The following VAV3 variants were observed in gnomAD, a reference collection of about 807,000 sequenced individuals.
VAV3 encodes vav guanine nucleotide exchange factor 3, also known as guanine nucleotide exchange factor VAV3.
VAV3 carries 94 observed loss-of-function variants against 131.2 expected under a neutral mutation model. The ratio of observed to expected loss-of-function variants is 0.72; its 90% CI spans 0.61 to 0.85. The LOEUF (loss-of-function observed/expected upper bound fraction) is 0.85, where lower values mean the gene tolerates loss of function less well. Ranked by LOEUF, VAV3 falls within the 40% of genes least tolerant of loss-of-function variation. VAV3 has a pLI of 0.00. For missense variants in VAV3, 939 were observed against 1,002.7 expected (o/e 0.94, Z 0.86); for synonymous variants, 349 against 342.0 (o/e 1.02, Z -0.22).
intron 15 of VAV3, among the ~76,000 whole-genome samples, chr1:107,715,559 G>C (rs1235938301): frequency 6.6e-6 from 1 of 152,174 alleles, no homozygotes; most frequent in Non-Finnish European, 1.5e-5. Context: ...TCATGTGACA[G>C]TCATTTTCAA....
intron 21 of VAV3, among the ~76,000 whole-genome samples, chr1:107,614,946 C>A (rs1420072177): frequency 6.6e-6 from 1 of 152,048 alleles, no homozygotes; most frequent in Non-Finnish European, 1.5e-5. Flanking sequence ...TAATATCCTG[C>A]CACCTGCCTA....
chr1:107,637,310 T>C (rs1655005687), intron 20 of VAV3, among the ~76,000 whole-genome samples: 1 of 152,154 alleles, frequency 6.6e-6, no homozygotes, highest in Non-Finnish European at 1.5e-5. Flanking sequence ...GCCATATGTT[T>C]GTTTTATAAT....
At chr1:107,790,609 C>T (rs1232176663) in intron 2 of VAV3, among the ~76,000 whole-genome samples, 2 of 150,884 alleles carry the variant, frequency 1.3e-5, no homozygotes, top group African/African-American at 2.4e-5. Flanking sequence ...AAGCCTTCTG[C>T]TACAGCATTT....
chr1:107,947,770 T>G (rs1226708556), intron 1 of VAV3, among the ~76,000 whole-genome samples: 1 of 152,192 alleles, frequency 6.6e-6, no homozygotes, highest in Non-Finnish European at 1.5e-5. Context: ...GATTAAAAAA[T>G]ATCTAGCATT....
At chr1:107,881,665 C>T (rs542405254) in intron 1 of VAV3, among the ~76,000 whole-genome samples, 2 of 152,236 alleles carry the variant, frequency 1.3e-5, no homozygotes, top group African/African-American at 2.4e-5. Flanking sequence ...GGTAGAAAAG[C>T]ACTCAATATC....
At chr1:107,667,180 A>G (rs1276826564) in intron 19 of VAV3, among the ~76,000 whole-genome samples, 1 of 152,186 alleles carries the variant, frequency 6.6e-6, no homozygotes, top group Admixed American at 6.5e-5. Context: ...GGTGATGCTA[A>G]TATCTACCAT....
At chr1:107,700,499 G>C (rs1316384885) in intron 17 of VAV3, among the ~76,000 whole-genome samples, 1 of 152,090 alleles carries the variant, frequency 6.6e-6, no homozygotes, top group Non-Finnish European at 1.5e-5. Context: ...TCCCCTCCCT[G>C]TGTCCATGTG....
chr1:107,827,987 G>C (rs943466236), intron 2 of VAV3, among the ~76,000 whole-genome samples: 2 of 152,150 alleles, frequency 1.3e-5, no homozygotes, highest in Non-Finnish European at 2.9e-5. Context: ...TCTGGGACAT[G>C]GGAGTCAAGA....
At chr1:107,860,138 T>G (rs1171538618) in intron 2 of VAV3, among the ~76,000 whole-genome samples, 2 of 152,144 alleles carry the variant, frequency 1.3e-5, no homozygotes, top group Admixed American at 6.5e-5. Flanking sequence ...TTTTTGTTTT[T>G]GACAGGGAGT....
intron 19 of VAV3, among the ~76,000 whole-genome samples, chr1:107,643,863 A>G (rs1655531437): frequency 6.6e-6 from 1 of 152,164 alleles, no homozygotes; most frequent in African/African-American, 2.4e-5. Context: ...GAAAAGTTTT[A>G]GTCAACACTT....
At chr1:107,947,873 G>A (rs1451164229) in intron 1 of VAV3, among the ~76,000 whole-genome samples, 1 of 152,182 alleles carries the variant, frequency 6.6e-6, no homozygotes, top group Non-Finnish European at 1.5e-5. Context: ...GCCAGGTACT[G>A]AGCCAAGAAC....
chr1:107,724,980 A>C (rs571407485), intron 15 of VAV3, among the ~76,000 whole-genome samples: 1 of 152,316 alleles, frequency 6.6e-6, no homozygotes, highest in East Asian at 1.9e-4. Context: ...TGTATTTAGG[A>C]AACTCTAGCA....
rs557361386 is a variant in VAV3 at position 107,637,013 on chromosome 1, A to G, written c.1914+5606T>C. Among the ~76,000 whole-genome samples, 4 of 152,264 alleles carry G rather than the reference A, an allele frequency of 2.6e-5. No individual in the cohort carries two copies. In the East Asian group the frequency reaches 5.8e-4, roughly 22 times the overall value. On this transcript the variant is annotated intron_variant, in intron 20 of 26. Transcript: ENST00000370056. ...TCAGAGCAGAAATCGATGATAGGGG[A>G]AAAAAACAATAGAACCAATAAAGCC...
intron 15 of VAV3, among the ~76,000 whole-genome samples, chr1:107,716,280 T>A (rs1157286952): frequency 1.3e-5 from 2 of 152,180 alleles, no homozygotes; most frequent in Non-Finnish European, 2.9e-5. Context: ...GAAAAAGGCA[T>A]ATTCACTATA....
chr1:107,572,900 G>T lies in VAV3; in HGVS notation c.*431C>A, dbSNP rs554999439. ...CAATTTTTCGTCATGCTGGGAAAAG[G>T]AAAATTACACTTCTGCTTCTTTGTA... On this transcript the variant is annotated 3_prime_UTR_variant, in exon 27 of 27. Transcript: ENST00000370056. The T allele has an allele frequency of 6.2e-6, 1 of 160,772 alleles. No individual in the cohort carries two copies. The highest frequency in any genetic ancestry group is 2.4e-5 in the African/African-American group (1 of 41,940). 10.0% of individuals were successfully genotyped at this position (160,772 alleles called of 1,614,324 possible).
At chr1:107,617,420 T>C (rs1653242076) in intron 21 of VAV3, 147 bp downstream of exon 21, 1 of 638,938 alleles carries the variant, frequency 1.6e-6, no homozygotes, top group Non-Finnish European at 2.5e-6. Flanking sequence ...AATAGAACTA[T>C]AATGATGTTG....
intron 2 of VAV3, among the ~76,000 whole-genome samples, chr1:107,817,100 A>G (rs1667592089): frequency 6.6e-6 from 1 of 152,208 alleles, no homozygotes; most frequent in African/African-American, 2.4e-5. Flanking sequence ...GGACATATTC[A>G]TGGCTCTTGC....
chr1:107,920,771 T>C (rs995085667), intron 1 of VAV3, among the ~76,000 whole-genome samples: 2 of 152,214 alleles, frequency 1.3e-5, no homozygotes, highest in African/African-American at 2.4e-5. Context: ...AGAACCTTGT[T>C]TGTACCTCTT....
intron 15 of VAV3, among the ~76,000 whole-genome samples, chr1:107,746,033 A>G (rs6659075): frequency 0.65 from 98,700 of 151,998 alleles, 32,592 homozygotes; most frequent in East Asian, 0.94. Flanking sequence ...TTTATTCTCC[A>G]TGACTTATCA....
Sources: allele counts gnomAD v4.1 joint callset (sites outside exome capture counted in the v4.1 genomes callset), GRCh38; gene constraint gnomAD v4.1.1; transcripts MANE v1.5; gene names NCBI Gene and HGNC (gene_info 2026-07-23, HGNC 2026-07-21).